NOC4L: variants seen among roughly 807,000 people sequenced by gnomAD.
NOC4L encodes nucleolar complex protein 4 homolog.
NOC4L carries 40 observed loss-of-function variants against 62.8 expected under a neutral mutation model. The observed-to-expected ratio is 0.64, with a 90% CI of 0.49 to 0.83. The LOEUF is 0.83. NOC4L is among the 40% of genes least tolerant of loss of function. The pLI is 0.00. For synonymous variants in NOC4L, 433 were observed against 299.8 expected (o/e 1.44, Z -4.59); for missense variants, 927 against 701.9 (o/e 1.32, Z -3.62).
chr12:132,152,015 G>A, intron 13 of NOC4L, 69 bp from the exon 14 acceptor site: 1 of 1,450,470 alleles, frequency 6.9e-7, no homozygotes, highest in South Asian at 1.2e-5. Context: ...GGGAGCACAG[G>A]GAGGCCATGG....
In NOC4L at chr12:132,147,616, C is replaced by T; in HGVS notation, c.454-17C>T. 6.2e-7 allele frequency: 1 copy of T among 1,611,942 alleles called. No homozygotes were observed. The highest frequency in any genetic ancestry group is 1.1e-5 in the South Asian group (1 of 90,974). On this transcript the variant is annotated splice_polypyrimidine_tract_variant and intron_variant, in intron 4 of 14. Coordinates refer to ENST00000330579, the MANE Select transcript of NOC4L (RefSeq NM_024078.3). ...ATGCTGGGCCGGGCAGGGCTGCTCA[C>T]TGGTCCTTGCCCCTAGTTGGTGGTG... is the stretch of plus-strand genomic sequence containing the variant.
chr12:132,148,732 C>CCCTGGGGGGGGGGG, intron 8 of NOC4L, 52 bp from the exon 9 acceptor site: 1 of 1,305,544 alleles, frequency 7.7e-7, no homozygotes, highest in Non-Finnish European at 1.0e-6. Flanking sequence ...CACCCCGACC[C>CCCTGGGGGGGGGGG]GCCGGCCCCC....
rs1288228713 is a variant in NOC4L, at chr12:132,148,905, G to A, written c.901+10G>A. The A allele has an allele frequency of 6.6e-5, 85 of 1,278,352 alleles. No homozygotes were observed. Among genetic ancestry groups the A allele is most frequent in the South Asian group, 2.8e-4 (19 of 67,262 alleles). 79.2% of individuals were successfully genotyped at this position (1,278,352 alleles called of 1,614,324 possible). A position where few individuals can be genotyped will look rare whatever the true frequency, so the allele number is the denominator to read the frequency against. ...CGCGCCTGCGACCTCGGTGAGTGCC[G>A]CCGCCTCGCTCACACCACACCCCTA... is the stretch of plus-strand genomic sequence containing the variant. On this transcript the variant is annotated intron_variant, in intron 9 of 14. Transcript: ENST00000330579.
In NOC4L at chr12:132,150,847, T is replaced by C. The variant is rs1158233060; in HGVS notation, c.902-134T>C. 7.4e-6 allele frequency: 5 copies of C among 680,240 alleles called. No individual in the cohort carries two copies. In the East Asian group the frequency reaches 1.0e-4, roughly 14 times the overall value. The allele number at this position is 680,240 out of a possible 1,614,324, so 42.1% of individuals were successfully genotyped here. On this transcript the variant is annotated intron_variant, in intron 9 of 14. Transcript: ENST00000330579. ...CCCTGCCCTGCATGTGGTCTCCAGC[T>C]TTGTGTCCGTGGGGGCTGTGGGAGG...
intron 10 of NOC4L, 80 bp downstream of exon 10, chr12:132,151,121 G>T: frequency 1.4e-6 from 2 of 1,464,186 alleles, no homozygotes. Context: ...CCTGCCCCAC[G>T]GGGTCCCCGC....
At chr12:132,146,657 T>C (rs905350040) in intron 3 of NOC4L, among the ~76,000 whole-genome samples, 18 of 152,152 alleles carry the variant, frequency 1.2e-4, no homozygotes, top group African/African-American at 4.1e-4. Flanking sequence ...GACTTTTAAA[T>C]GTTGGGGAGA....
At position 132,147,721 on chromosome 12, in the gene NOC4L, G is replaced by A. The variant is rs759182697; in HGVS notation, c.542G>A (p.Arg181His). The change falls in exon 5 of 15, where the codon CGC becomes CAC. Residue 181 changes from arginine to histidine, a missense_variant. Physicochemically the swap from Arg to His is conservative, Grantham distance 29. Coordinates refer to ENST00000330579, the MANE Select transcript of NOC4L (RefSeq NM_024078.3). ...FREYLDYDDTRYHTMQAAVDA... is the reference protein window; with the variant it reads ...FREYLDYDDTHYHTMQAAVDA... ...GAGTACCTGGACTACGACGACACCCGCTACCACACCATGCAGGCAGCCGTG... is the reference window on the plus strand; with the variant it reads ...GAGTACCTGGACTACGACGACACCCACTACCACACCATGCAGGCAGCCGTG... The A allele has an allele frequency of 6.2e-6, 10 of 1,612,832 alleles. No individual in the cohort carries two copies. The highest frequency in any genetic ancestry group is 2.2e-5 in the East Asian group (1 of 44,864).
At chr12:132,147,169 GCCCT>G in intron 3 of NOC4L, 108 bp from the exon 4 acceptor site, 6 of 743,466 alleles carry the variant, frequency 8.1e-6, no homozygotes, top group South Asian at 7.1e-5. Context: ...AGGCCCGGCC[GCCCT>G]TTTCTCAGCT....
intron 9 of NOC4L, 185 bp from the exon 10 acceptor site, chr12:132,150,796 G>T (rs573493098): frequency 2.2e-6 from 1 of 458,904 alleles, no homozygotes; most frequent in African/African-American, 2.1e-5. Context: ...CCTCTTCCCC[G>T]ATCCCACTGC....
chr12:132,147,354 A>G lies in NOC4L; in HGVS notation c.419A>G (p.Glu140Gly), dbSNP rs1406821753. ...CACCCCCTGGAGAAGTCCAAGTGGGAAGGCAACTACCTGTTCCCCCGAGAG... is the reference window on the plus strand; with the variant it reads ...CACCCCCTGGAGAAGTCCAAGTGGGGAGGCAACTACCTGTTCCCCCGAGAG... ...GAHPLEKSKW[E>G]GNYLFPRELF... is the part of the protein sequence containing the mutation. Residue 140 changes from glutamate (E) to glycine (G), a missense_variant, in exon 4 of 15, where the codon GAA becomes GGA. Coordinates refer to ENST00000330579, the MANE Select transcript of NOC4L (RefSeq NM_024078.3). The G allele has an allele frequency of 6.3e-7, 1 of 1,597,918 alleles. No individual in the cohort carries two copies. The highest frequency in any genetic ancestry group is 8.5e-7 in the Non-Finnish European group (1 of 1,172,196).
chr12:132,152,077 G>C lies in NOC4L; in HGVS notation c.1318-7G>C. On this transcript the variant is annotated splice_polypyrimidine_tract_variant and splice_region_variant and intron_variant, in intron 13 of 14. Transcript: ENST00000330579. ...GCAGCTGCCTCTTAACGGCCCTACT[G>C]CCCCAGGCCCTCCAGCGCCACTACC... The C allele has an allele frequency of 6.2e-7, 1 of 1,606,912 alleles. No homozygotes were observed. Among genetic ancestry groups the C allele is most frequent in the Non-Finnish European group, 8.5e-7 (1 of 1,177,810 alleles).
intron 7 of NOC4L, among the ~76,000 whole-genome samples, chr12:132,148,376 C>T (rs1454746314): frequency 2.0e-5 from 3 of 152,184 alleles, no homozygotes; most frequent in East Asian, 3.8e-4. Context: ...TTGGGCGCAG[C>T]CCCCCTCTTG....
rs1477481992 is a variant in NOC4L at position 132,148,932 on chromosome 12, T to A, written c.901+37T>A. 6.8e-6 allele frequency: 4 copies of A among 587,420 alleles called. No individual in the cohort carries two copies. In the South Asian group the frequency reaches 9.3e-5, roughly 14 times the overall value. 36.4% of individuals were successfully genotyped at this position (587,420 alleles called of 1,614,324 possible). A position where few individuals can be genotyped will look rare whatever the true frequency, so the allele number is the denominator to read the frequency against. On this transcript the variant is annotated intron_variant, in intron 9 of 14. Coordinates refer to ENST00000330579, the MANE Select transcript of NOC4L (RefSeq NM_024078.3). ...CGCCTCGCTCACACCACACCCCTAA[T>A]CCCCTCGGTGAGTGCCGCCGCCTCA... is the stretch of plus-strand genomic sequence containing the variant.
At chr12:132,151,107 C>T in intron 10 of NOC4L, 66 bp downstream of exon 10, 2 of 1,493,664 alleles carry the variant, frequency 1.3e-6, no homozygotes, top group Non-Finnish European at 1.9e-6. Context: ...TGTCCCCTTC[C>T]CACCCTGCCC....
At chr12:132,150,817 CA>C in intron 9 of NOC4L, 163 bp from the exon 10 acceptor site, 1 of 626,254 alleles carries the variant, frequency 1.6e-6, no homozygotes, top group East Asian at 2.7e-5. Flanking sequence ...CTCCACCCCC[CA>C]CTCCCCTGCC....
At chr12:132,148,732 C>CCCCGGGGGGGGGGGGGGGGGG in intron 8 of NOC4L, 52 bp from the exon 9 acceptor site, 1 of 1,305,544 alleles carries the variant, frequency 7.7e-7, no homozygotes, top group Non-Finnish European at 1.0e-6. Flanking sequence ...CACCCCGACC[C>CCCCGGGGGGGGGGGGGGGGGG]GCCGGCCCCC....
At chr12:132,150,922 C>T (rs1897910285) in intron 9 of NOC4L, 59 bp from the exon 10 acceptor site, 2 of 1,262,616 alleles carry the variant, frequency 1.6e-6, no homozygotes, top group Non-Finnish European at 2.3e-6. Context: ...TCAGTGTGGG[C>T]AGGGGGTAGG....
At chr12:132,146,091 C>T (rs556890089) in intron 3 of NOC4L, 65 of 382,106 alleles carry the variant, frequency 1.7e-4, no homozygotes, top group African/African-American at 1.0e-3. Context: ...CAGTGGTTGC[C>T]GCTATCCCAG....
rs775023787 is a variant in NOC4L, at chr12:132,150,963, GTGTC to G, written c.902-7_902-4del. 3.6e-5 allele frequency: 57 copies of G among 1,595,036 alleles called. No individual in the cohort carries two copies. Among genetic ancestry groups the G allele is most frequent in the African/African-American group, 1.9e-4 (14 of 74,618 alleles). ...AGCGAGGTCACTGCAGCTCCAGCCT[GTGTC>G]TGTCTGTCTGCAGGGGGGGCCCTCA... is the stretch of plus-strand genomic sequence containing the variant. On this transcript the variant is annotated splice_polypyrimidine_tract_variant and intron_variant, in intron 9 of 14. Coordinates refer to ENST00000330579, the MANE Select transcript of NOC4L (RefSeq NM_024078.3).
Sources: allele counts gnomAD v4.1 joint callset (sites outside exome capture counted in the v4.1 genomes callset), GRCh38; gene constraint gnomAD v4.1.1; transcripts MANE v1.5; gene names NCBI Gene and HGNC (gene_info 2026-07-23, HGNC 2026-07-21).